Variants in PRKCQ observed in about 807,000 individuals in gnomAD.
PRKCQ encodes the protein protein kinase C theta type.
A neutral mutation model predicts 91.2 loss-of-function variants in PRKCQ; 41 were observed. That is an observed-to-expected ratio of 0.45 (90% confidence interval 0.35 to 0.58). The LOEUF is 0.58. Among genes scored for constraint, PRKCQ ranks in the 20% least tolerant of loss-of-function variants. The pLI is 0.00. For synonymous variants in PRKCQ, 307 were observed against 316.9 expected, an observed-to-expected ratio of 0.97 and a Z score of 0.33; for missense variants, 673 against 896.5, an observed-to-expected ratio of 0.75 and a Z score of 3.18.
chr10:6,435,956 T>C (rs1344462901), intron 16 of PRKCQ, among the ~76,000 whole-genome samples: 1 of 152,084 alleles, frequency 6.6e-6, no homozygotes, highest in Non-Finnish European at 1.5e-5. Context: ...CTACAAAAAA[T>C]ACAAAAATCA....
chr10:6,504,305 T>C (rs933653824), intron 4 of PRKCQ, among the ~76,000 whole-genome samples: 3 of 152,148 alleles, frequency 2.0e-5, no homozygotes, highest in African/African-American at 7.2e-5. Flanking sequence ...TAAGAGAAAG[T>C]ATATTCTTCC....
intron 1 of PRKCQ, among the ~76,000 whole-genome samples, chr10:6,532,500 A>G (rs1477716008): frequency 6.6e-6 from 1 of 151,532 alleles, no homozygotes; most frequent in Non-Finnish European, 1.5e-5. Context: ...CATGTGCTTC[A>G]GTCTACAGTC....
chr10:6,524,298 GAC>G (rs1323183370), intron 1 of PRKCQ, among the ~76,000 whole-genome samples: 3 of 152,134 alleles, frequency 2.0e-5, no homozygotes, highest in Non-Finnish European at 4.4e-5. Flanking sequence ...CTGTCAGGTG[GAC>G]AGGACAACTA....
chr10:6,437,905 G>A (rs570275021), intron 16 of PRKCQ, among the ~76,000 whole-genome samples: 5 of 152,120 alleles, frequency 3.3e-5, no homozygotes, highest in African/African-American at 7.2e-5. Flanking sequence ...CGCCCATCTC[G>A]GCCTCCCAAA....
chr10:6,456,548 CT>C, intron 15 of PRKCQ, 125 bp downstream of exon 15: 1 of 1,297,044 alleles, frequency 7.7e-7, no homozygotes, highest in Middle Eastern at 2.6e-4. Context: ...TTATGAGATA[CT>C]TAAGAAAACA....
chr10:6,494,479 C>T (rs1837485934), intron 7 of PRKCQ, among the ~76,000 whole-genome samples: 1 of 150,342 alleles, frequency 6.7e-6, no homozygotes, highest in Admixed American at 6.7e-5. Flanking sequence ...CACCCTTCTG[C>T]AGGTCAATCA....
At chr10:6,414,430 T>C in the PRKCQ span, among the ~76,000 whole-genome samples, 2 of 152,206 alleles carry the variant, frequency 1.3e-5, no homozygotes, top group African/African-American at 4.8e-5. Context: ...AATAACGAAT[T>C]ACCGGGCACA....
chr10:6,413,537 G>GCACACA, the PRKCQ span, among the ~76,000 whole-genome samples: 35 of 56,964 alleles, frequency 6.1e-4, no homozygotes, highest in African/African-American at 3.2e-3. Flanking sequence ...TGCCACTTGT[G>GCACACA]CACACACACA....
At chr10:6,404,837 TTC>T in the PRKCQ span, among the ~76,000 whole-genome samples, 12 of 142,112 alleles carry the variant, frequency 8.4e-5, no homozygotes, top group South Asian at 6.9e-4. Context: ...CCTTCTTTCT[TTC>T]TTTCTTTCCT....
intron 15 of PRKCQ, among the ~76,000 whole-genome samples, chr10:6,451,778 C>T (rs1035680427): frequency 6.6e-6 from 1 of 152,026 alleles, no homozygotes; most frequent in African/African-American, 2.4e-5. Context: ...TCAATATATG[C>T]AAATCAATAA....
chr10:6,578,740 AG>A (rs1449282681), intron 1 of PRKCQ, among the ~76,000 whole-genome samples: 1 of 152,258 alleles, frequency 6.6e-6, no homozygotes, highest in African/African-American at 2.4e-5. Context: ...AAACTTCAAA[AG>A]TAATTTGCAA....
At chr10:6,402,424 C>G in the PRKCQ span, among the ~76,000 whole-genome samples, 1 of 144,306 alleles carries the variant, frequency 6.9e-6, no homozygotes, top group African/African-American at 2.6e-5. Flanking sequence ...TCCGCTCTTT[C>G]CTCCCTCACG....
intron 1 of PRKCQ, among the ~76,000 whole-genome samples, chr10:6,573,081 G>C (rs879168934): frequency 6.6e-6 from 1 of 152,108 alleles, no homozygotes; most frequent in Admixed American, 6.5e-5. Flanking sequence ...AAATGATACA[G>C]TTTCATGAAA....
At chr10:6,467,692 C>T (rs1000069675) in intron 12 of PRKCQ, among the ~76,000 whole-genome samples, 6 of 152,214 alleles carry the variant, frequency 3.9e-5, no homozygotes, top group East Asian at 1.9e-4. Flanking sequence ...ATGAGACTGT[C>T]GCTAATCAGC....
At chr10:6,462,391 A>G in intron 13 of PRKCQ, 26 bp from the exon 14 acceptor site, 2 of 1,608,436 alleles carry the variant, frequency 1.2e-6, no homozygotes, top group Non-Finnish European at 1.7e-6. Flanking sequence ...CCAAGGTTCA[A>G]CATGAATGTT....
chr10:6,464,820 C>T (rs895797138), intron 12 of PRKCQ, among the ~76,000 whole-genome samples: 3 of 152,176 alleles, frequency 2.0e-5, no homozygotes, highest in Non-Finnish European at 4.4e-5. Flanking sequence ...TAGATCATTT[C>T]AGGGGAACTA....
chr10:6,573,533 T>C (rs913945173), intron 1 of PRKCQ, among the ~76,000 whole-genome samples: 2 of 152,216 alleles, frequency 1.3e-5, no homozygotes, highest in African/African-American at 4.8e-5. Context: ...CTACATATAG[T>C]GCTTAGCACA....
intron 14 of PRKCQ, among the ~76,000 whole-genome samples, chr10:6,457,535 T>C (rs2132311661): frequency 6.6e-6 from 1 of 152,326 alleles, no homozygotes; most frequent in Non-Finnish European, 1.5e-5. Context: ...CAGACCCTTT[T>C]GACCTTGTAC....
intron 1 of PRKCQ, 164 bp from the exon 2 acceptor site, chr10:6,515,308 C>T: frequency 6.6e-7 from 1 of 1,507,452 alleles, no homozygotes. Context: ...GCAGAGGACA[C>T]TGCTGGACTC....
Sources: allele counts gnomAD v4.1 joint callset (sites outside exome capture counted in the v4.1 genomes callset), GRCh38; gene constraint gnomAD v4.1.1; transcripts MANE v1.5; gene names NCBI Gene and HGNC (gene_info 2026-07-23, HGNC 2026-07-21).